STX18: variants seen among roughly 807,000 people sequenced by gnomAD.
STX18 encodes the protein syntaxin 18.
In STX18, 40 loss-of-function variants were observed where a neutral mutation model predicts 50.1. That is an observed-to-expected ratio of 0.80 (90% CI 0.62 to 1.04). The LOEUF is 1.04. STX18 is among the 50% of genes least tolerant of loss of function. STX18 has a pLI of 0.00. For synonymous variants in STX18, 158 were observed against 151.8 expected (o/e 1.04, Z -0.30); for missense variants, 410 against 415.8 (o/e 0.99, Z 0.12).
Position 4,419,180 on chromosome 4 carries a change from A to T in STX18, c.*854T>A. 1 of 152,244 alleles carries T rather than the reference A, an allele frequency of 6.6e-6. No individual in the cohort carries two copies. The highest frequency in any genetic ancestry group is 1.9e-4 in the East Asian group (1 of 5,196). 9.4% of individuals were successfully genotyped at this position (152,244 alleles called of 1,614,324 possible). A position where few individuals can be genotyped will look rare whatever the true frequency, so the allele number is the denominator to read the frequency against. ...ACAGATGTCTCATGCCTTCAGTTAC[A>T]CATAGGTGTTCCTGTTTACAGTTCC... On this transcript the variant is annotated 3_prime_UTR_variant, in exon 11 of 11. Coordinates refer to ENST00000306200, the MANE Select transcript of STX18 (RefSeq NM_016930.4).
intron 1 of STX18, among the ~76,000 whole-genome samples, chr4:4,529,448 A>G (rs1055993901): frequency 2.0e-5 from 3 of 151,786 alleles, no homozygotes; most frequent in Non-Finnish European, 4.4e-5. Flanking sequence ...CCCAAAAGTT[A>G]GTCAAGCACT....
intron 1 of STX18, among the ~76,000 whole-genome samples, chr4:4,498,838 T>C (rs1041376768): frequency 2.6e-5 from 4 of 152,186 alleles, no homozygotes; most frequent in South Asian, 2.1e-4. Flanking sequence ...AACTAAACAC[T>C]AGGAAGAATA....
At chr4:4,465,061 G>A (rs746596151) in intron 2 of STX18, among the ~76,000 whole-genome samples, 1 of 151,964 alleles carries the variant, frequency 6.6e-6, no homozygotes, top group African/African-American at 2.4e-5. Flanking sequence ...TTTGATGTGG[G>A]CATTTAGTGC....
At chr4:4,506,701 C>A (rs1362996330) in intron 1 of STX18, among the ~76,000 whole-genome samples, 1 of 152,156 alleles carries the variant, frequency 6.6e-6, no homozygotes, top group Non-Finnish European at 1.5e-5. Flanking sequence ...TTTTTCTATA[C>A]ATACATACCT....
At chr4:4,477,309 T>C (rs1728235324) in intron 1 of STX18, among the ~76,000 whole-genome samples, 1 of 152,212 alleles carries the variant, frequency 6.6e-6, no homozygotes, top group African/African-American at 2.4e-5. Flanking sequence ...TTTAGTCATT[T>C]TGAGGTAGAG....
intron 1 of STX18, among the ~76,000 whole-genome samples, chr4:4,502,051 G>A (rs1344149705): frequency 3.3e-5 from 5 of 152,210 alleles, no homozygotes; most frequent in Non-Finnish European, 7.3e-5. Flanking sequence ...ATGGAAAGAT[G>A]AAGCTGCCAA....
chr4:4,503,161 G>C (rs1050641673), intron 1 of STX18, among the ~76,000 whole-genome samples: 1 of 152,194 alleles, frequency 6.6e-6, no homozygotes. Context: ...CAAGAACTGC[G>C]TGGGGTGGCA....
In STX18 at chr4:4,447,469, T is replaced by G. The variant is rs183302114; in HGVS notation, c.498-8960A>C. On this transcript the variant is annotated intron_variant, in intron 5 of 10. Coordinates refer to ENST00000306200, the MANE Select transcript of STX18 (RefSeq NM_016930.4). Reference sequence around the variant, plus strand: ...AGCCGGGCGTGGTAGCGGGCGCCTGTAGTCCCAGCTACTCGGGAGGCTGAG... The same window carrying G: ...AGCCGGGCGTGGTAGCGGGCGCCTGGAGTCCCAGCTACTCGGGAGGCTGAG... Among the ~76,000 whole-genome samples, 322 of 151,378 alleles carry G rather than the reference T, an allele frequency of 2.1e-3. 6 individuals are homozygous for G. The highest frequency in any genetic ancestry group is 0.011 in the East Asian group (57 of 5,144).
intron 5 of STX18, among the ~76,000 whole-genome samples, chr4:4,443,763 C>T (rs376969573): frequency 6.6e-6 from 1 of 152,002 alleles, no homozygotes; most frequent in East Asian, 1.9e-4. Context: ...TAATACACCC[C>T]CTTAACAAAA....
chr4:4,430,384 T>C (rs750959102), intron 7 of STX18, among the ~76,000 whole-genome samples: 8 of 152,258 alleles, frequency 5.3e-5, no homozygotes, highest in Non-Finnish European at 8.8e-5. Context: ...TTAGTCAGAC[T>C]ATAAGATATG....
intron 1 of STX18, among the ~76,000 whole-genome samples, chr4:4,520,954 C>A (rs1730481031): frequency 6.6e-6 from 1 of 152,154 alleles, no homozygotes; most frequent in African/African-American, 2.4e-5. Flanking sequence ...CAACATTGTA[C>A]AATTTATCTA....
At chr4:4,517,125 T>A (rs1034034139) in intron 1 of STX18, among the ~76,000 whole-genome samples, 9 of 152,172 alleles carry the variant, frequency 5.9e-5, no homozygotes, top group Admixed American at 5.9e-4. Flanking sequence ...AACAATCCTT[T>A]GGAAAACAGC....
intron 2 of STX18, among the ~76,000 whole-genome samples, chr4:4,469,692 G>A (rs896457672): frequency 6.6e-6 from 1 of 152,008 alleles, no homozygotes; most frequent in Admixed American, 6.6e-5. Context: ...GGATGCACTC[G>A]CACCACTTCT....
intron 3 of STX18, among the ~76,000 whole-genome samples, chr4:4,457,853 ACTC>A (rs1001455724): frequency 4.0e-5 from 6 of 151,600 alleles, no homozygotes; most frequent in African/African-American, 1.5e-4. Context: ...GAAATCACAC[ACTC>A]CTCCCTGCTT....
intron 1 of STX18, among the ~76,000 whole-genome samples, chr4:4,533,190 T>C (rs919487611): frequency 1.3e-5 from 2 of 152,234 alleles, no homozygotes; most frequent in Non-Finnish European, 2.9e-5. Flanking sequence ...ATTCACTTTC[T>C]TTTAGAGGAG....
chr4:4,462,886 G>A (rs1047234845), intron 2 of STX18, among the ~76,000 whole-genome samples: 7 of 152,160 alleles, frequency 4.6e-5, no homozygotes, highest in East Asian at 3.8e-4. Flanking sequence ...GAAGGCTTAG[G>A]CCCTTCTTTA....
At chr4:4,466,025 T>G (rs1357518899) in intron 2 of STX18, among the ~76,000 whole-genome samples, 1 of 152,122 alleles carries the variant, frequency 6.6e-6, no homozygotes, top group Non-Finnish European at 1.5e-5. Flanking sequence ...CAGAGATGAG[T>G]AGGACACAGT....
In STX18 at chr4:4,530,338, G is replaced by A. The variant is rs1235683585; in HGVS notation, c.168+11459C>T. Among the ~76,000 whole-genome samples the A allele has an allele frequency of 2.0e-5, 3 of 151,214 alleles. No homozygotes were observed. In the South Asian group the frequency reaches 6.3e-4, roughly 32 times the overall value. Reference sequence around the variant, plus strand: ...ACATAGTTTTAATTGTAATTGGTTTGGGTAGTTATTTTTTTAAGCTAACAT... The same window carrying A: ...ACATAGTTTTAATTGTAATTGGTTTAGGTAGTTATTTTTTTAAGCTAACAT... On this transcript the variant is annotated intron_variant, in intron 1 of 10. Coordinates refer to ENST00000306200, the MANE Select transcript of STX18 (RefSeq NM_016930.4).
At chr4:4,436,570 G>T (rs1577320219) in intron 6 of STX18, among the ~76,000 whole-genome samples, 1 of 152,182 alleles carries the variant, frequency 6.6e-6, no homozygotes, top group African/African-American at 2.4e-5. Flanking sequence ...GCTAGAATGG[G>T]AAAGTTTTCT....
Sources: gnomAD v4.1 joint callset for allele counts (sites outside exome capture counted in the v4.1 genomes callset) on GRCh38, gnomAD v4.1.1 for gene constraint, MANE v1.5 for transcripts, NCBI Gene and HGNC (gene_info 2026-07-23, HGNC 2026-07-21) for gene names.